Variants in OR4D10 observed in about 807,000 individuals in gnomAD.
The protein encoded by OR4D10 is olfactory receptor family 4 subfamily D member 10.
For synonymous variants in OR4D10, 188 were observed against 153.2 expected, an observed-to-expected ratio of 1.23 and a Z score of -1.68; for missense variants, 395 against 378.0, an observed-to-expected ratio of 1.04 and a Z score of -0.37.
rs1858936213 is a variant in OR4D10 at position 59,478,468 on chromosome 11, A to G, written c.*103A>G. ...TCAAATATATTGTCAAACCAACTAC[A>G]CTTAGTAATAATTAATTTTTCTATT... On this transcript the variant is annotated 3_prime_UTR_variant, in exon 3 of 3. Transcript: ENST00000530162. 4.0e-6 allele frequency: 3 copies of G among 744,624 alleles called. No individual in the cohort carries two copies. Among genetic ancestry groups the G allele is most frequent in the Non-Finnish European group, 4.1e-6 (2 of 492,292 alleles). The allele number at this position is 744,624 out of a possible 1,614,324, so 46.1% of individuals were successfully genotyped here. A position where few individuals can be genotyped will look rare whatever the true frequency, so the allele number is the denominator to read the frequency against.
In OR4D10 at chr11:59,477,693, A is replaced by C. The variant is rs374729334; in HGVS notation, c.264A>C (p.Glu88Asp). 19 of 1,614,034 alleles carry C rather than the reference A, an allele frequency of 1.2e-5. No individual in the cohort carries two copies. Among genetic ancestry groups the C allele is most frequent in the African/African-American group, 8.0e-5 (6 of 74,900 alleles). Residue 88 changes from glutamate to aspartate, a missense_variant, in exon 3 of 3, where the codon GAA becomes GAC. Coordinates refer to ENST00000530162, the MANE Select transcript of OR4D10 (RefSeq NM_001004705.2). ...VPKVLVDLLS[E>D]RKTISFNHCF... is the part of the protein sequence containing the mutation. Reference sequence around the variant, plus strand: ...AGGTTCTGGTGGACCTTCTGTCTGAAAGAAAGACCATCTCCTTCAATCATT... The same window carrying C: ...AGGTTCTGGTGGACCTTCTGTCTGACAGAAAGACCATCTCCTTCAATCATT...
intron 2 of OR4D10, among the ~76,000 whole-genome samples, chr11:59,476,720 C>G (rs1186161335): frequency 6.6e-6 from 1 of 152,006 alleles, no homozygotes; most frequent in Non-Finnish European, 1.5e-5. Flanking sequence ...AGTCAGAGCC[C>G]CAGTCATTCA....
rs775898529 is a variant in OR4D10 at position 59,477,484 on chromosome 11, C to T, written c.55C>T (p.Gln19Ter). 6 of 1,609,428 alleles carry T rather than the reference C, an allele frequency of 3.7e-6. No homozygotes were observed. Among genetic ancestry groups the T allele is most frequent in the Middle Eastern group, 1.7e-4 (1 of 6,030 alleles). ...VKEFIFLGLT[Q>*]NREVSLVLFL... ...AGAATTTATTTTCCTTGGCCTGACC[C>T]AGAATCGGGAAGTGAGCTTAGTCTT... The change falls in exon 3 of 3, where the codon CAG becomes TAG. Residue 19 changes from glutamine to a stop codon, truncating the protein, a stop_gained. Transcript: ENST00000530162. LOFTEE classifies it low-confidence loss of function (END_TRUNC).
rs373005301 is a variant in OR4D10 at position 59,477,896 on chromosome 11, C to A, written c.467C>A (p.Ser156Tyr). The stretch of plus-strand genomic sequence containing the variant: ...GCCTGGTTGGGGGGCTTTGTCCACT[C>A]CATCGTGCAGATTTCCCTGTTGCTC... ...VAAWLGGFVHSIVQISLLLPL... is the reference protein window; with the variant it reads ...VAAWLGGFVHYIVQISLLLPL... The change falls in exon 3 of 3, where the codon TCC (serine) becomes TAC (tyrosine). Residue 156 changes from serine to tyrosine, a missense_variant. Physicochemically the swap from Ser to Tyr is moderately radical, Grantham distance 144. Coordinates refer to ENST00000530162, the MANE Select transcript of OR4D10 (RefSeq NM_001004705.2). 22 of 1,614,008 alleles carry A rather than the reference C, an allele frequency of 1.4e-5. No individual in the cohort carries two copies. Among genetic ancestry groups the A allele is most frequent in the Non-Finnish European group, 1.9e-5 (22 of 1,180,042 alleles).
rs1340075633 is a variant in OR4D10 at position 59,477,655 on chromosome 11, A to C, written c.226A>C (p.Ile76Leu). The C allele has an allele frequency of 1.5e-5, 24 of 1,614,102 alleles. No individual in the cohort carries two copies. Among genetic ancestry groups the C allele is most frequent in the Non-Finnish European group, 1.9e-5 (23 of 1,180,004 alleles). The change falls in exon 3 of 3, where the codon ATC (isoleucine) becomes CTC (leucine). Residue 76 changes from isoleucine to leucine, a missense_variant. Transcript: ENST00000530162. ...LSIADICFSSITVPKVLVDLL... is the reference protein window; with the variant it reads ...LSIADICFSSLTVPKVLVDLL... ...TATTGCCGATATCTGCTTCTCTTCC[A>C]TCACAGTGCCCAAGGTTCTGGTGGA...
rs527726201 is a variant in OR4D10 at position 59,477,372 on chromosome 11, A to G, written c.-58A>G. On this transcript the variant is annotated 5_prime_UTR_variant, in exon 3 of 3. In the 5' UTR this introduces an upstream ATG that the reference lacks. Coordinates refer to ENST00000530162, the MANE Select transcript of OR4D10 (RefSeq NM_001004705.2). The stretch of plus-strand genomic sequence containing the variant: ...TGTTTAGGAAGACAACAAAATAAAT[A>G]TCCCAGTGCTTTCACATGACATGGT... 959 of 1,273,636 alleles carry G rather than the reference A, an allele frequency of 7.5e-4. 5 individuals carry two copies. Among genetic ancestry groups the G allele is most frequent in the Non-Finnish European group, 8.1e-4 (747 of 923,198 alleles). 78.9% of individuals were successfully genotyped at this position (1,273,636 alleles called of 1,614,324 possible).
In OR4D10 at chr11:59,477,834, C is replaced by T; in HGVS notation, c.405C>T (p.Ile135=). 6.2e-7 allele frequency: 1 copy of T among 1,614,096 alleles called. No homozygotes were observed. Residue 135 remains isoleucine (I), a synonymous_variant, in exon 3 of 3, where the codon ATC becomes ATT. Transcript: ENST00000530162. ...AISKPLHYAT[I]MSRDHCIGLT... Reference sequence around the variant, plus strand: ...CCAAGCCCCTGCACTATGCGACTATCATGAGTAGAGACCATTGCATTGGGC... The same window carrying T: ...CCAAGCCCCTGCACTATGCGACTATTATGAGTAGAGACCATTGCATTGGGC...
In OR4D10 at chr11:59,477,710, T is replaced by A. The variant is rs567060006; in HGVS notation, c.281T>A (p.Phe94Tyr). 1.9e-6 allele frequency: 3 copies of A among 1,614,174 alleles called. No individual in the cohort carries two copies. The African/African-American group carries it at 4.0e-5, about 22-fold the overall frequency. ...CTGTCTGAAAGAAAGACCATCTCCT[T>A]CAATCATTGCTTCACTCAGATGTTT... is the stretch of plus-strand genomic sequence containing the variant. ...DLLSERKTIS[F>Y]NHCFTQMFLF... The change falls in exon 3 of 3, where the codon TTC (phenylalanine) becomes TAC (tyrosine). Residue 94 changes from phenylalanine to tyrosine, a missense_variant. By Grantham distance (22) the Phe-to-Tyr change is conservative (BLOSUM62 3). Coordinates refer to ENST00000530162, the MANE Select transcript of OR4D10 (RefSeq NM_001004705.2).
chr11:59,475,580 G>C (rs1452886544), intron 2 of OR4D10, among the ~76,000 whole-genome samples: 1 of 152,142 alleles, frequency 6.6e-6, no homozygotes, highest in Non-Finnish European at 1.5e-5. Context: ...AGCGAAAATT[G>C]CTCCAGAGTA....
rs551034573 is a variant in OR4D10, at chr11:59,476,915, C to CA, written c.-168-338dup. Among the ~76,000 whole-genome samples, 25 of 136,400 alleles carry CA rather than the reference C, an allele frequency of 1.8e-4. No homozygotes were observed. The South Asian group carries it at 2.7e-3, about 15-fold the overall frequency. 89.5% of individuals were successfully genotyped at this position (136,400 alleles called of 152,430 possible). ...TATCAAAATGTATTCCTGTACAGGG[C>CA]AAAAAAAAACTGATAATAATAATAG... On this transcript the variant is annotated intron_variant, in intron 2 of 2. Transcript: ENST00000530162.
At position 59,477,936 on chromosome 11, in the gene OR4D10, C is replaced by T. The variant is rs375485138; in HGVS notation, c.507C>T (p.Cys169=). The change falls in exon 3 of 3, where the codon TGC becomes TGT. Residue 169 remains cysteine (C), a synonymous_variant. Coordinates refer to ENST00000530162, the MANE Select transcript of OR4D10 (RefSeq NM_001004705.2). ...CCCTGTTGCTCCCACTCCCTTTCTG[C>T]GGACCCAATGTTCTTGACACTTTCT... ...QISLLLPLPF[C]GPNVLDTFYC... The T allele has an allele frequency of 5.9e-5, 96 of 1,614,056 alleles. 1 individual carries two copies. The highest frequency in any genetic ancestry group is 4.4e-4 in the African/African-American group (33 of 74,916).
At position 59,478,638 on chromosome 11, in the gene OR4D10, C is replaced by T. The variant is rs1215406059; in HGVS notation, c.*273C>T. 1 of 305,932 alleles carries T rather than the reference C, an allele frequency of 3.3e-6. No individual in the cohort carries two copies. Among genetic ancestry groups the T allele is most frequent in the Non-Finnish European group, 5.9e-6 (1 of 168,074 alleles). The allele number at this position is 305,932 out of a possible 1,614,324, so 19.0% of individuals were successfully genotyped here. A position where few individuals can be genotyped will look rare whatever the true frequency, so the allele number is the denominator to read the frequency against. ...TGGACTCCAAGTTCTGAAAGTGTTG[C>T]CTGCTGAATTGAATATATTTATTTA... is the stretch of plus-strand genomic sequence containing the variant. On this transcript the variant is annotated 3_prime_UTR_variant, in exon 3 of 3. Coordinates refer to ENST00000530162, the MANE Select transcript of OR4D10 (RefSeq NM_001004705.2).
chr11:59,477,907 A>G lies in OR4D10; in HGVS notation c.478A>G (p.Ile160Val). 3 of 1,613,950 alleles carry G rather than the reference A, an allele frequency of 1.9e-6. No homozygotes were observed. Among genetic ancestry groups the G allele is most frequent in the African/African-American group, 1.3e-5 (1 of 74,970 alleles). The change falls in exon 3 of 3, where the codon ATT becomes GTT. Residue 160 changes from isoleucine to valine, a missense_variant. Transcript: ENST00000530162. Reference protein sequence around the residue: ...LGGFVHSIVQISLLLPLPFCG... With the variant: ...LGGFVHSIVQVSLLLPLPFCG... ...GGGCTTTGTCCACTCCATCGTGCAG[A>G]TTTCCCTGTTGCTCCCACTCCCTTT...
Position 59,478,389 on chromosome 11 carries a change from T to C in OR4D10, c.*24T>C. ...AGAAAAAAAAATCCTCAGCTCTTCA[T>C]CACCAAAGATATCTTATATTTATTA... is the stretch of plus-strand genomic sequence containing the variant. On this transcript the variant is annotated 3_prime_UTR_variant, in exon 3 of 3. Coordinates refer to ENST00000530162, the MANE Select transcript of OR4D10 (RefSeq NM_001004705.2). 7.0e-7 allele frequency: 1 copy of C among 1,437,858 alleles called. No individual in the cohort carries two copies. Among genetic ancestry groups the C allele is most frequent in the South Asian group, 1.4e-5 (1 of 72,486 alleles). The allele number at this position is 1,437,858 out of a possible 1,614,324, so 89.1% of individuals were successfully genotyped here. A position where few individuals can be genotyped will look rare whatever the true frequency, so the allele number is the denominator to read the frequency against.
At position 59,478,356 on chromosome 11, in the gene OR4D10, T is replaced by C; in HGVS notation, c.927T>C (p.Asp309=). ...RRLKRRLVPS[D]RK The stretch of plus-strand genomic sequence containing the variant: ...TGAAGAGAAGACTTGTGCCTTCTGA[T>C]AGAAAATAGAAAAAAAAATCCTCAG... Residue 309 remains aspartate, a synonymous_variant, in exon 3 of 3, where the codon GAT becomes GAC. Transcript: ENST00000530162. 2.6e-6 allele frequency: 4 copies of C among 1,565,406 alleles called. No individual in the cohort carries two copies. The highest frequency in any genetic ancestry group is 3.5e-6 in the Non-Finnish European group (4 of 1,159,166).
chr11:59,475,375 T>A (rs1266537881), intron 2 of OR4D10, among the ~76,000 whole-genome samples: 3 of 152,164 alleles, frequency 2.0e-5, no homozygotes, highest in Non-Finnish European at 2.9e-5. Context: ...TTTTACGGGC[T>A]GTTTCCTTTG....
intron 2 of OR4D10, among the ~76,000 whole-genome samples, chr11:59,476,557 T>C (rs1047989509): frequency 6.6e-6 from 1 of 152,112 alleles, no homozygotes; most frequent in African/African-American, 2.4e-5. Flanking sequence ...ATTTTTTTTA[T>C]TTTTTGTAGT....
rs1858928464 is a variant in OR4D10 at position 59,477,998 on chromosome 11, C to T, written c.569C>T (p.Thr190Ile). Residue 190 changes from threonine to isoleucine, a missense_variant, in exon 3 of 3, where the codon ACA becomes ATA. Thr to Ile is a moderately conservative substitution (Grantham distance 89, BLOSUM62 -1). Transcript: ENST00000530162. Reference sequence around the variant, plus strand: ...CACCGGGTCCTCAAACTGGCCCATACAGACATTTTCATACTTGAACTACTA... The same window carrying T: ...CACCGGGTCCTCAAACTGGCCCATATAGACATTTTCATACTTGAACTACTA... Reference protein sequence around the residue: ...DVHRVLKLAHTDIFILELLMI... With the variant: ...DVHRVLKLAHIDIFILELLMI... The T allele has an allele frequency of 6.2e-7, 1 of 1,614,138 alleles. No individual in the cohort carries two copies. Among genetic ancestry groups the T allele is most frequent in the Non-Finnish European group, 8.5e-7 (1 of 1,180,026 alleles).
chr11:59,477,723 C>T lies in OR4D10; in HGVS notation c.294C>T (p.Phe98=), dbSNP rs751338816. 1 of 1,614,182 alleles carries T rather than the reference C, an allele frequency of 6.2e-7. No homozygotes were observed. Among genetic ancestry groups the T allele is most frequent in the Non-Finnish European group, 8.5e-7 (1 of 1,180,014 alleles). ...ERKTISFNHC[F]TQMFLFHLIG... ...AGACCATCTCCTTCAATCATTGCTT[C>T]ACTCAGATGTTTCTATTCCACCTTA... Residue 98 remains phenylalanine (F), a synonymous_variant, in exon 3 of 3, where the codon TTC becomes TTT. Coordinates refer to ENST00000530162, the MANE Select transcript of OR4D10 (RefSeq NM_001004705.2).
Sources: allele counts gnomAD v4.1 joint callset (sites outside exome capture counted in the v4.1 genomes callset), GRCh38; gene constraint gnomAD v4.1.1; transcripts MANE v1.5; gene names NCBI Gene and HGNC (gene_info 2026-07-23, HGNC 2026-07-21).